TRANK1: variants seen among roughly 807,000 people sequenced by gnomAD.
TRANK1 encodes tetratricopeptide repeat and ankyrin repeat containing 1, also known as TPR and ankyrin repeat-containing protein 1.
In TRANK1, 198 loss-of-function variants were observed where a neutral mutation model predicts 266.0. The observed-to-expected ratio is 0.74, with a 90% CI of 0.66 to 0.84. The LOEUF is 0.84. Among genes scored for constraint, TRANK1 ranks in the 40% least tolerant of loss-of-function variants. TRANK1 has a pLI of 0.00. For synonymous variants in TRANK1, 1,396 were observed against 1,384.1 expected (o/e 1.01, Z -0.19); for missense variants, 3,326 against 3,634.6 (o/e 0.92, Z 2.18).
At chr3:36,858,949 G>A in intron 11 of TRANK1, 55 bp from the exon 12 acceptor site, 1 of 1,448,128 alleles carries the variant, frequency 6.9e-7, no homozygotes, top group Admixed American at 2.5e-5. Flanking sequence ...TGGCTCGCCT[G>A]ACGAGAGAAG....
At chr3:36,908,034 C>T (rs192008531) in intron 2 of TRANK1, among the ~76,000 whole-genome samples, 32 of 152,234 alleles carry the variant, frequency 2.1e-4, no homozygotes, top group Non-Finnish European at 4.4e-4. Flanking sequence ...TGAATGACAA[C>T]GAAGAGGTTT....
chr3:36,901,289 AATC>A (rs2079878268), intron 3 of TRANK1, among the ~76,000 whole-genome samples: 1 of 152,110 alleles, frequency 6.6e-6, no homozygotes, highest in African/African-American at 2.4e-5. Context: ...GACTGCCATA[AATC>A]TTCTCTCCCA....
chr3:36,899,052 A>G, intron 4 of TRANK1, 57 bp downstream of exon 4: 1 of 1,509,600 alleles, frequency 6.6e-7, no homozygotes, highest in Non-Finnish European at 8.9e-7. Context: ...AGTCCCCAGG[A>G]GCTATTTCAA....
At chr3:36,851,056 T>C (rs941363843) in intron 15 of TRANK1, 6 of 985,320 alleles carry the variant, frequency 6.1e-6, no homozygotes, top group Non-Finnish European at 7.2e-6. Context: ...AGTTGGTAGC[T>C]CTACCCATAA....
At chr3:36,938,753 G>T (rs1484075371) in intron 1 of TRANK1, among the ~76,000 whole-genome samples, 1 of 152,038 alleles carries the variant, frequency 6.6e-6, no homozygotes, top group Non-Finnish European at 1.5e-5. Flanking sequence ...GAGCTCAGCA[G>T]TTCGAGACCA....
intron 9 of TRANK1, among the ~76,000 whole-genome samples, chr3:36,866,112 GAA>G (rs1277753102): frequency 2.7e-5 from 4 of 149,924 alleles, no homozygotes; most frequent in African/African-American, 4.9e-5. Flanking sequence ...AAGAAAGAAA[GAA>G]AGAGTCACCG....
At chr3:36,915,644 T>C (rs968288624) in intron 1 of TRANK1, among the ~76,000 whole-genome samples, 8 of 152,198 alleles carry the variant, frequency 5.3e-5, no homozygotes, top group African/African-American at 1.9e-4. Context: ...AAGTTTACTG[T>C]CTGTTAGGGA....
At chr3:36,873,674 G>A (rs1014490030) in intron 9 of TRANK1, among the ~76,000 whole-genome samples, 22 of 152,038 alleles carry the variant, frequency 1.4e-4, no homozygotes, top group Admixed American at 3.3e-4. Context: ...GACTGACACA[G>A]CCAAGCACTT....
intron 2 of TRANK1, among the ~76,000 whole-genome samples, chr3:36,904,984 CAA>C (rs752513726): frequency 1.4e-5 from 2 of 139,608 alleles, no homozygotes; most frequent in Non-Finnish European, 1.6e-5. Flanking sequence ...CCCCAACTGC[CAA>C]AAAAAAAAAA....
intron 1 of TRANK1, among the ~76,000 whole-genome samples, chr3:36,918,356 C>T (rs762310510): frequency 2.6e-5 from 4 of 151,050 alleles, no homozygotes; most frequent in South Asian, 2.1e-4. Flanking sequence ...TTAACACTGC[C>T]GAACTATACA....
intron 18 of TRANK1, among the ~76,000 whole-genome samples, chr3:36,840,218 T>C (rs2078824969): frequency 6.8e-6 from 1 of 146,810 alleles, no homozygotes; most frequent in African/African-American, 2.5e-5. Flanking sequence ...CCCTAACACC[T>C]AACCCCTGCC....
At position 36,886,727 on chromosome 3, in the gene TRANK1, G is replaced by A. The variant is rs553023767; in HGVS notation, c.907+3102C>T. Among the ~76,000 whole-genome samples the A allele has an allele frequency of 7.2e-5, 11 of 151,842 alleles. No homozygotes were observed. The South Asian group carries it at 1.9e-3, about 26-fold the overall frequency. ...GGAGATCGAGACCATCCTGGCTAACGTGGTGAAACCCCATCTTTACTAAAA... is the reference window on the plus strand; with the variant it reads ...GGAGATCGAGACCATCCTGGCTAACATGGTGAAACCCCATCTTTACTAAAA... On this transcript the variant is annotated intron_variant, in intron 8 of 23. Transcript: ENST00000645898.
chr3:36,852,104 A>C (rs2078992236), intron 14 of TRANK1, 42 bp downstream of exon 14: 4 of 1,532,320 alleles, frequency 2.6e-6, no homozygotes, highest in Non-Finnish European at 3.5e-6. Context: ...TTCAATTGCA[A>C]ACTGTCTTTT....
chr3:36,884,375 T>C (rs960604185), intron 8 of TRANK1, among the ~76,000 whole-genome samples: 1 of 152,162 alleles, frequency 6.6e-6, no homozygotes, highest in Non-Finnish European at 1.5e-5. Flanking sequence ...ATTCCAGGGC[T>C]GGGACAGGGA....
chr3:36,944,609 C>G (rs1000777196), intron 1 of TRANK1, among the ~76,000 whole-genome samples, 178 bp downstream of exon 1: 2 of 152,154 alleles, frequency 1.3e-5, no homozygotes, highest in Admixed American at 1.3e-4. Flanking sequence ...CGACCGACCC[C>G]GCGCAACTGG....
rs10644293 is a variant in TRANK1 at position 36,914,450 on chromosome 3, CT to C, written c.24-5997del. 4.6e-3 allele frequency among the ~76,000 whole-genome samples: 639 copies of C among 137,660 alleles called. 1 individual carries two copies. The highest frequency in any genetic ancestry group is 0.037 in the South Asian group (158 of 4,320). The allele number at this position is 137,660 out of a possible 152,430, so 90.3% of individuals were successfully genotyped here. A position where few individuals can be genotyped will look rare whatever the true frequency, so the allele number is the denominator to read the frequency against. ...GCCACTGCACCCAGCTGGTGTCTTCCTTTTTTTTTTTTTTTTAAGTAAATTT... is the reference window on the plus strand; with the variant it reads ...GCCACTGCACCCAGCTGGTGTCTTCCTTTTTTTTTTTTTTTAAGTAAATTT... On this transcript the variant is annotated intron_variant, in intron 1 of 23. Coordinates refer to ENST00000645898, the MANE Select transcript of TRANK1 (RefSeq NM_001329998.2).
chr3:36,889,992 T>C (rs1211342795), intron 7 of TRANK1, 32 bp from the exon 8 acceptor site: 12 of 1,532,104 alleles, frequency 7.8e-6, no homozygotes, highest in East Asian at 4.9e-5. Context: ...TACTAATGTT[T>C]TCCACATACA....
rs1373512589 is a variant in TRANK1 at position 36,856,283 on chromosome 3, C to T, written c.3439G>A (p.Val1147Met). 1.9e-6 allele frequency: 3 copies of T among 1,598,046 alleles called. No individual in the cohort carries two copies. The highest frequency in any genetic ancestry group is 1.8e-5 in the Admixed American group (1 of 56,246). Residue 1147 changes from valine (V) to methionine (M), a missense_variant, in exon 13 of 24, where the codon GTG (valine) becomes ATG (methionine). Val to Met is a conservative substitution (Grantham distance 21). Coordinates refer to ENST00000645898, the MANE Select transcript of TRANK1 (RefSeq NM_001329998.2). ...TCATCTATGCTTTCTACTGTTTCCA[C>T]TTCAATAGAATCTTCCTCTTCCTCG... is the stretch of plus-strand genomic sequence containing the variant. ...EDEEEEDSIEVETVESIDEQE... is the reference protein window; with the variant it reads ...EDEEEEDSIEMETVESIDEQE...
intron 7 of TRANK1, among the ~76,000 whole-genome samples, chr3:36,891,934 A>G (rs550349604): frequency 6.6e-6 from 1 of 152,270 alleles, no homozygotes; most frequent in African/African-American, 2.4e-5. Context: ...AGTCCCTTCC[A>G]TGGGTCCCAG....
Sources: gnomAD v4.1 joint callset for allele counts (sites outside exome capture counted in the v4.1 genomes callset) on GRCh38, gnomAD v4.1.1 for gene constraint, MANE v1.5 for transcripts, NCBI Gene and HGNC (gene_info 2026-07-23, HGNC 2026-07-21) for gene names.